Variants in CNTNAP2 observed in about 807,000 individuals in gnomAD.
The protein encoded by CNTNAP2 is contactin associated protein 2, also known as contactin-associated protein-like 2.
Under a neutral mutation model 155.2 loss-of-function variants are expected in CNTNAP2, and 98 were observed. The ratio of observed to expected loss-of-function variants is 0.63; its 90% CI spans 0.54 to 0.75. The LOEUF (loss-of-function observed/expected upper bound fraction) is 0.75. Ranked by LOEUF, CNTNAP2 falls within the 30% of genes least tolerant of loss-of-function variation. The probability of loss-of-function intolerance (pLI) is 0.00; values close to 1 mark genes in which losing one functional copy is unlikely to be tolerated. For synonymous variants in CNTNAP2, 651 were observed against 631.2 expected, an observed-to-expected ratio of 1.03 and a Z score of -0.47; for missense variants, 1,727 against 1,688.1, an observed-to-expected ratio of 1.02 and a Z score of -0.40.
intron 10 of CNTNAP2, among the ~76,000 whole-genome samples, chr7:147,433,249 C>T (rs978599081): frequency 6.6e-6 from 1 of 152,066 alleles, no homozygotes; most frequent in African/African-American, 2.4e-5. Context: ...GTTCCGTGGG[C>T]GAATAATTTG....
At chr7:147,367,717 T>C (rs1796258860) in intron 9 of CNTNAP2, among the ~76,000 whole-genome samples, 1 of 152,126 alleles carries the variant, frequency 6.6e-6, no homozygotes, top group South Asian at 2.1e-4. Context: ...ACTGTGCCAG[T>C]TATCACACTT....
chr7:147,764,135 G>C (rs1417760571), intron 13 of CNTNAP2, among the ~76,000 whole-genome samples: 1 of 152,012 alleles, frequency 6.6e-6, no homozygotes, highest in Non-Finnish European at 1.5e-5. Context: ...GTTTGCTATG[G>C]GTTATTTTCT....
At chr7:148,383,208 A>C (rs1430133363) in intron 21 of CNTNAP2, among the ~76,000 whole-genome samples, 1 of 82,966 alleles carries the variant, frequency 1.2e-5, no homozygotes, top group Non-Finnish European at 2.9e-5. Flanking sequence ...TTTTTTTTTT[A>C]AAGAATTCTG....
At chr7:146,780,320 GGA>G (rs1802462925) in intron 2 of CNTNAP2, among the ~76,000 whole-genome samples, 1 of 151,886 alleles carries the variant, frequency 6.6e-6, no homozygotes, top group African/African-American at 2.4e-5. Context: ...TGAGTAGCTG[GGA>G]CTGCAGGCGC....
chr7:147,335,095 A>T (rs925926744), intron 9 of CNTNAP2, among the ~76,000 whole-genome samples: 1 of 152,168 alleles, frequency 6.6e-6, no homozygotes, highest in Non-Finnish European at 1.5e-5. Flanking sequence ...CTTAGTAGGT[A>T]TTCAGTTTAT....
At chr7:147,920,494 AAC>A (rs1464352333) in intron 14 of CNTNAP2, among the ~76,000 whole-genome samples, 1 of 152,148 alleles carries the variant, frequency 6.6e-6, no homozygotes, top group Non-Finnish European at 1.5e-5. Context: ...GTTCACTGAT[AAC>A]CAGCTCTACC....
intron 1 of CNTNAP2, among the ~76,000 whole-genome samples, chr7:146,138,497 T>C (rs1048204347): frequency 6.6e-6 from 1 of 152,158 alleles, no homozygotes; most frequent in Admixed American, 6.6e-5. Flanking sequence ...AATAAACTTA[T>C]ATGTTGAACA....
At chr7:147,336,443 A>G (rs531537443) in intron 9 of CNTNAP2, among the ~76,000 whole-genome samples, 44 of 152,296 alleles carry the variant, frequency 2.9e-4, no homozygotes, top group African/African-American at 6.7e-4. Context: ...AACAATCCCA[A>G]TAGTCCTATT....
chr7:148,077,168 G>C (rs184366909), intron 15 of CNTNAP2, among the ~76,000 whole-genome samples: 3 of 152,052 alleles, frequency 2.0e-5, no homozygotes, highest in African/African-American at 7.2e-5. Flanking sequence ...TTAGCCAGGT[G>C]TGGGGGTACA....
At chr7:147,014,234 TATAACATA>T (rs1798678169) in intron 3 of CNTNAP2, among the ~76,000 whole-genome samples, 1 of 151,490 alleles carries the variant, frequency 6.6e-6, no homozygotes, top group South Asian at 2.1e-4. Flanking sequence ...ATTTCAGGAA[TATAACATA>T]AAAAACCCTG....
intron 8 of CNTNAP2, among the ~76,000 whole-genome samples, chr7:147,140,561 G>A (rs1297918250): frequency 1.3e-5 from 2 of 152,026 alleles, no homozygotes; most frequent in African/African-American, 2.4e-5. Context: ...GTGCACACCT[G>A]TGCCAAATCT....
intron 1 of CNTNAP2, among the ~76,000 whole-genome samples, chr7:146,559,676 A>G (rs574680027): frequency 6.6e-6 from 1 of 152,322 alleles, no homozygotes; most frequent in African/African-American, 2.4e-5. Context: ...CCTGTATAAC[A>G]GAATATTTTT....
At chr7:146,377,729 A>G (rs751754377) in intron 1 of CNTNAP2, among the ~76,000 whole-genome samples, 1 of 152,200 alleles carries the variant, frequency 6.6e-6, no homozygotes, top group Non-Finnish European at 1.5e-5. Context: ...TTTATCTTTA[A>G]TGATATATAC....
At chr7:146,586,687 A>G (rs1263579550) in intron 1 of CNTNAP2, among the ~76,000 whole-genome samples, 1 of 152,160 alleles carries the variant, frequency 6.6e-6, no homozygotes, top group Non-Finnish European at 1.5e-5. Context: ...TAGACAGAAA[A>G]CCATTATAAG....
intron 14 of CNTNAP2, among the ~76,000 whole-genome samples, chr7:147,914,703 C>T (rs962752473): frequency 3.9e-5 from 6 of 152,098 alleles, no homozygotes; most frequent in African/African-American, 1.2e-4. Context: ...GCACAAACCA[C>T]CACATCTAGC....
At chr7:147,097,217 G>A (rs993692492) in intron 4 of CNTNAP2, among the ~76,000 whole-genome samples, 4 of 152,006 alleles carry the variant, frequency 2.6e-5, no homozygotes, top group African/African-American at 9.7e-5. Flanking sequence ...ATTGCTACTC[G>A]TCCTGACAAA....
chr7:148,305,722 TCA>T (rs1268020824), intron 21 of CNTNAP2, among the ~76,000 whole-genome samples: 6 of 152,098 alleles, frequency 3.9e-5, no homozygotes, highest in African/African-American at 1.4e-4. Flanking sequence ...GAGAACCCAC[TCA>T]CACTATCATG....
At chr7:147,139,386 T>G (rs1446805892) in intron 8 of CNTNAP2, among the ~76,000 whole-genome samples, 1 of 152,128 alleles carries the variant, frequency 6.6e-6, no homozygotes, top group Non-Finnish European at 1.5e-5. Flanking sequence ...GTGTCTAATT[T>G]TGTTTCAAAT....
At chr7:147,165,386 A>G (rs973752488) in intron 8 of CNTNAP2, among the ~76,000 whole-genome samples, 1 of 151,928 alleles carries the variant, frequency 6.6e-6, no homozygotes, top group Non-Finnish European at 1.5e-5. Flanking sequence ...ACTTCCTTGT[A>G]AAGTCTGGAT....
Sources: allele counts gnomAD v4.1 joint callset (sites outside exome capture counted in the v4.1 genomes callset), GRCh38; gene constraint gnomAD v4.1.1; transcripts MANE v1.5; gene names NCBI Gene and HGNC (gene_info 2026-07-23, HGNC 2026-07-21).